Variants in SLC6A13 observed in about 807,000 individuals in gnomAD.
SLC6A13 encodes the protein sodium- and chloride-dependent GABA transporter 2.
In SLC6A13, 69 loss-of-function variants were observed where a neutral mutation model predicts 72.9. The ratio of observed to expected loss-of-function variants is 0.95; its 90% confidence interval spans 0.78 to 1.16. The LOEUF (loss-of-function observed/expected upper bound fraction) is 1.16. Ranked by LOEUF, SLC6A13 falls within the 50% of genes most tolerant of loss-of-function variation. SLC6A13 has a pLI of 0.00. For missense variants in SLC6A13, 735 were observed against 760.5 expected (o/e 0.97, Z 0.39); for synonymous variants, 303 against 303.0 (o/e 1.00, Z 0.00).
At chr12:238,971 G>A (rs1353631674) in intron 4 of SLC6A13, among the ~76,000 whole-genome samples, 1 of 152,166 alleles carries the variant, frequency 6.6e-6, no homozygotes. Context: ...GCCTCCCGTG[G>A]GTTTCCCGTC....
intron 4 of SLC6A13, among the ~76,000 whole-genome samples, chr12:239,348 C>T (rs887699382): frequency 1.3e-5 from 2 of 151,676 alleles, no homozygotes; most frequent in Non-Finnish European, 2.9e-5. Context: ...ACCGGCTCTA[C>T]CACGTCCACC....
Position 223,202 on chromosome 12 carries a change from G to A in SLC6A13, c.1344C>T (p.Tyr448=), listed in dbSNP as rs754199773. The A allele has an allele frequency of 5.1e-5, 82 of 1,613,526 alleles. 1 individual carries two copies. The highest frequency in any genetic ancestry group is 6.4e-5 in the Non-Finnish European group (76 of 1,179,560). ...GGAGGCACATGCCACTGGCCGCATA[G>A]TAGTCAAAGAGCTGGAACACGTACA... ...GGMYVFQLFD[Y]YAASGMCLLF... Residue 448 remains tyrosine (Y), a synonymous_variant, in exon 12 of 15, where the codon TAC becomes TAT. Transcript: ENST00000343164.
At chr12:225,146 A>G (rs965604363) in intron 9 of SLC6A13, among the ~76,000 whole-genome samples, 25 of 152,378 alleles carry the variant, frequency 1.6e-4, no homozygotes, top group African/African-American at 6.0e-4. Context: ...ATGGCAGGAA[A>G]ACATGCACGT....
chr12:235,055 G>A (rs777330504), intron 7 of SLC6A13, 35 bp downstream of exon 7: 3 of 1,613,502 alleles, frequency 1.9e-6, no homozygotes, highest in Non-Finnish European at 2.5e-6. Flanking sequence ...GTTGCCCTGG[G>A]AGTCACGTGA....
chr12:221,434 A>C lies in SLC6A13; in HGVS notation c.1628T>G (p.Val543Gly), dbSNP rs749318869. 1 of 1,613,786 alleles carries C rather than the reference A, an allele frequency of 6.2e-7. No homozygotes were observed. Among genetic ancestry groups the C allele is most frequent in the Admixed American group, 1.7e-5 (1 of 59,948 alleles). Residue 543 changes from valine to glycine, a missense_variant, in exon 14 of 15, where the codon GTC becomes GGC. Physicochemically the swap from Val to Gly is moderately radical, Grantham distance 109. Coordinates refer to ENST00000343164, the MANE Select transcript of SLC6A13 (RefSeq NM_016615.5). ...GTAGAGGCTCCAGGCAGGAATGCAG[A>C]CCATGGAGGACAGAGCCAGGAGCCA... The part of the protein sequence containing the change: ...LGWLLALSSM[V>G]CIPAWSLYRL...
At chr12:244,605 GATTAAACC>G (rs1365262501) in intron 2 of SLC6A13, among the ~76,000 whole-genome samples, 2 of 152,054 alleles carry the variant, frequency 1.3e-5, no homozygotes, top group Non-Finnish European at 2.9e-5. Flanking sequence ...TGGGAGGATT[GATTAAACC>G]TGGGAGTTCG....
chr12:223,015 T>C, intron 12 of SLC6A13, 117 bp downstream of exon 12: 1 of 649,896 alleles, frequency 1.5e-6, no homozygotes. Context: ...GGAGGTTGGG[T>C]AGGGAGGCGC....
At chr12:221,605 C>A in intron 13 of SLC6A13, 59 bp from the exon 14 acceptor site, 2 of 1,137,196 alleles carry the variant, frequency 1.8e-6, no homozygotes, top group African/African-American at 3.1e-5. Context: ...GCCCTCAGCT[C>A]CCCCGCTCCC....
chr12:235,195 G>A lies in SLC6A13; in HGVS notation c.726C>T (p.Tyr242=). 1 of 1,614,216 alleles carries A rather than the reference G, an allele frequency of 6.2e-7. No individual in the cohort carries two copies. Among genetic ancestry groups the A allele is most frequent in the Non-Finnish European group, 8.5e-7 (1 of 1,180,024 alleles). Residue 242 remains tyrosine (Y), a synonymous_variant, in exon 7 of 15, where the codon TAC becomes TAT. Coordinates refer to ENST00000343164, the MANE Select transcript of SLC6A13 (RefSeq NM_016615.5). ...KVVYFTATFP[Y]LMLVVLLIRG... ...GAATTAACAGGACCACCAGCATGAG[G>A]TAAGGAAATGTGGCCGTGAAGTACA...
chr12:224,799 C>A (rs1941372107), intron 9 of SLC6A13, among the ~76,000 whole-genome samples: 2 of 152,216 alleles, frequency 1.3e-5, no homozygotes, highest in Admixed American at 1.3e-4. Context: ...ATCTCCAGAT[C>A]TATTGCACAG....
At chr12:221,224 T>C in intron 14 of SLC6A13, 152 bp downstream of exon 14, 1 of 1,274,690 alleles carries the variant, frequency 7.8e-7, no homozygotes, top group South Asian at 1.5e-5. Context: ...TTCCCGAGAC[T>C]TCTCAGCAGC....
intron 7 of SLC6A13, 137 bp from the exon 8 acceptor site, chr12:227,805 C>T (rs1317988633): frequency 7.1e-6 from 5 of 706,760 alleles, no homozygotes; most frequent in Non-Finnish European, 1.2e-5. Context: ...ACACTTGCAT[C>T]CTGCTACCTC....
rs200539008 is a variant in SLC6A13, at chr12:242,644, A to G, written c.448T>C (p.Trp150Arg). The G allele has an allele frequency of 1.9e-6, 3 of 1,613,778 alleles. No individual in the cohort carries two copies. The highest frequency in any genetic ancestry group is 2.5e-6 in the Non-Finnish European group (3 of 1,179,902). ...TTCCACTCATGGTAGCAGCCGCCCC[A>G]GGGCAGGTCGATGGTGAAGCTGCTG... ...LFSSFTIDLP[W>R]GGCYHEWNTE... The change falls in exon 4 of 15, where the codon TGG (tryptophan) becomes CGG (arginine). Residue 150 changes from tryptophan (W) to arginine (R), a missense_variant. By Grantham distance (101) the Trp-to-Arg change is moderately radical. Coordinates refer to ENST00000343164, the MANE Select transcript of SLC6A13 (RefSeq NM_016615.5).
chr12:255,370 T>C (rs1028290550), intron 2 of SLC6A13, among the ~76,000 whole-genome samples: 1 of 152,130 alleles, frequency 6.6e-6, no homozygotes, highest in African/African-American at 2.4e-5. Context: ...TACTCAGTTC[T>C]CAACATACCA....
intron 7 of SLC6A13, among the ~76,000 whole-genome samples, chr12:227,995 G>A (rs1053832194): frequency 6.6e-6 from 1 of 152,108 alleles, no homozygotes; most frequent in African/African-American, 2.4e-5. Flanking sequence ...TCAGGTTTTT[G>A]ATCCTAGGTT....
intron 9 of SLC6A13, among the ~76,000 whole-genome samples, chr12:225,814 C>A (rs1181362380): frequency 2.0e-5 from 3 of 152,160 alleles, no homozygotes. Context: ...AGTAGGTGAG[C>A]AAGAGAAACA....
chr12:234,484 TATTTTATTTTATTTC>T (rs888933407), intron 7 of SLC6A13, among the ~76,000 whole-genome samples: 1 of 146,410 alleles, frequency 6.8e-6, no homozygotes, highest in African/African-American at 2.5e-5. Flanking sequence ...TATTTCATTT[TATTTTATTTTATTTC>T]ATTTTATTTT....
chr12:237,709 C>A (rs530929755), intron 5 of SLC6A13, among the ~76,000 whole-genome samples: 3 of 152,056 alleles, frequency 2.0e-5, no homozygotes, highest in African/African-American at 7.2e-5. Flanking sequence ...GGCGGGGGTG[C>A]GGGCAAGGAA....
At chr12:227,857 A>G (rs1333487905) in intron 7 of SLC6A13, among the ~76,000 whole-genome samples, 189 bp from the exon 8 acceptor site, 1 of 152,172 alleles carries the variant, frequency 6.6e-6, no homozygotes, top group Non-Finnish European at 1.5e-5. Flanking sequence ...TCCTAGGTGA[A>G]GTTTCTTGGG....
Sources: gnomAD v4.1 joint callset for allele counts (sites outside exome capture counted in the v4.1 genomes callset) on GRCh38, gnomAD v4.1.1 for gene constraint, MANE v1.5 for transcripts, NCBI Gene and HGNC (gene_info 2026-07-23, HGNC 2026-07-21) for gene names.